The following FBF1 variants were observed in gnomAD, a reference collection of about 807,000 sequenced individuals.
FBF1 encodes fas-binding factor 1.
A neutral mutation model predicts 147.2 loss-of-function variants in FBF1; 119 were observed. That is an observed-to-expected ratio of 0.81 (90% CI 0.70 to 0.94). The LOEUF is 0.94. FBF1 is among the 40% of genes least tolerant of loss of function. The pLI is 0.00. For missense variants in FBF1, 1,449 were observed against 1,500.8 expected (o/e 0.97, Z 0.57); for synonymous variants, 601 against 609.0 (o/e 0.99, Z 0.19).
At chr17:75,921,412 AAGCACCTCTTCCTC>A in intron 16 of FBF1, 46 bp downstream of exon 16, 1 of 1,564,350 alleles carries the variant, frequency 6.4e-7, no homozygotes, top group East Asian at 2.3e-5. Flanking sequence ...AGGAAGCTCA[AAGCACCTCTTCCTC>A]ACCCAGGGTT....
rs748741863 is a variant in FBF1 at position 75,919,618 on chromosome 17, C to G, written c.2138+50G>C. The G allele has an allele frequency of 1.3e-5, 20 of 1,542,572 alleles. No individual in the cohort carries two copies. Among genetic ancestry groups the G allele is most frequent in the Non-Finnish European group, 1.7e-5 (19 of 1,144,900 alleles). On this transcript the variant is annotated intron_variant, in intron 20 of 29. Transcript: ENST00000636174. This position sits in a 1 kb window ranked among gnomAD's most constrained non-coding sequence, Gnocchi z 5.0. ...GGGTCTCGTGGGGATGGCTCTCTTCCGGCTACTCCTTGCAAGCCTGCTCCC... is the reference window on the plus strand; with the variant it reads ...GGGTCTCGTGGGGATGGCTCTCTTCGGGCTACTCCTTGCAAGCCTGCTCCC...
At position 75,913,747 on chromosome 17, in the gene FBF1, C is replaced by G; in HGVS notation, c.3202G>C (p.Gly1068Arg). The change falls in exon 28 of 30, where the codon GGT becomes CGT. Residue 1068 changes from glycine (G) to arginine (R), a missense_variant. Gly to Arg is a moderately radical substitution (Grantham distance 125, BLOSUM62 -2). Coordinates refer to ENST00000636174, the MANE Select transcript of FBF1 (RefSeq NM_001319193.2). ...GGGCCCTGGGCCCTGGGGAACAGAC[C>G]CACGAGGCTAGAGGGCAGGTCCTGT... ...ARQDLPSSLV[G>R]LFPRAQGPAA... 6.2e-7 allele frequency: 1 copy of G among 1,602,738 alleles called. No individual in the cohort carries two copies. Among genetic ancestry groups the G allele is most frequent in the East Asian group, 2.2e-5 (1 of 44,836 alleles).
At position 75,926,822 on chromosome 17, in the gene FBF1, C is replaced by T; in HGVS notation, c.531G>A (p.Lys177=). The part of the protein sequence containing the change: ...LLSYDEGGIT[K]QPPVTQSKTA... ...TTTTACTCTGTGTCACAGGCGGCTGCTTGGTGATTCCTCCTTCATCATAGG... is the reference window on the plus strand; with the variant it reads ...TTTTACTCTGTGTCACAGGCGGCTGTTTGGTGATTCCTCCTTCATCATAGG... Residue 177 remains lysine, a synonymous_variant, in exon 10 of 30, where the codon AAG becomes AAA. Transcript: ENST00000636174. 1.2e-6 allele frequency: 2 copies of T among 1,613,854 alleles called. No individual in the cohort carries two copies. Among genetic ancestry groups the T allele is most frequent in the Non-Finnish European group, 8.5e-7 (1 of 1,179,858 alleles).
Position 75,912,305 on chromosome 17 carries a change from G to C in FBF1, c.3250C>G (p.Leu1084Val). 1 of 1,584,516 alleles carries C rather than the reference G, an allele frequency of 6.3e-7. No homozygotes were observed. The highest frequency in any genetic ancestry group is 8.6e-7 in the Non-Finnish European group (1 of 1,165,822). ...CGGGTGGTGGGAGCAGGAGGCATGA[G>C]GGCTGAAAAGGCCAAGGAGGAAGTC... is the stretch of plus-strand genomic sequence containing the variant. ...QGPAASSQSALMPPAPTTRWC... is the reference protein window; with the variant it reads ...QGPAASSQSAVMPPAPTTRWC... The change falls in exon 29 of 30, where the codon CTC (leucine) becomes GTC (valine). Residue 1084 changes from leucine (L) to valine (V), a missense_variant and splice_region_variant. Physicochemically the swap from Leu to Val is conservative, Grantham distance 32. Transcript: ENST00000636174.
intron 3 of FBF1, among the ~76,000 whole-genome samples, chr17:75,936,130 C>T (rs533899088): frequency 4.6e-5 from 7 of 152,266 alleles, no homozygotes; most frequent in African/African-American, 1.7e-4. Context: ...CTGGCTAACA[C>T]AGTGAAACCC....
At chr17:75,917,674 C>T (rs2065496600) in intron 23 of FBF1, 58 bp downstream of exon 23, 1 of 1,466,360 alleles carries the variant, frequency 6.8e-7, no homozygotes, top group South Asian at 1.3e-5. Context: ...CTTGCGGGTG[C>T]CCTGGAGAAG....
At chr17:75,913,615 T>C in intron 28 of FBF1, 87 bp downstream of exon 28, 3 of 1,058,996 alleles carry the variant, frequency 2.8e-6, no homozygotes, top group East Asian at 5.4e-5. Context: ...CCGCCTTAAC[T>C]GGAGCGGCTG....
chr17:75,910,974 A>G lies in FBF1; in HGVS notation c.3364-168T>C, dbSNP rs1294041027. Among the ~76,000 whole-genome samples the G allele has an allele frequency of 1.3e-5, 2 of 152,168 alleles. No homozygotes were observed. The highest frequency in any genetic ancestry group is 2.9e-5 in the Non-Finnish European group (2 of 68,020). On this transcript the variant is annotated intron_variant, in intron 29 of 29. Transcript: ENST00000636174. The surrounding 1 kb of genome is among the most constrained non-coding windows in gnomAD (Gnocchi z 4.1). ...CATGAAAGAGCCCAGGTATGGAGTG[A>G]GACAGACCACAGTCTCAATCCTGGC...
intron 13 of FBF1, among the ~76,000 whole-genome samples, chr17:75,924,205 C>T (rs1286866845): frequency 6.9e-6 from 1 of 144,454 alleles, no homozygotes; most frequent in Admixed American, 6.8e-5. Flanking sequence ...CAGAGTGAGA[C>T]TCTGTCTAAA....
chr17:75,926,991 C>A, intron 9 of FBF1, 114 bp from the exon 10 acceptor site: 2 of 1,415,536 alleles, frequency 1.4e-6, no homozygotes, highest in Non-Finnish European at 1.9e-6. Flanking sequence ...AGTACATAAA[C>A]AAGCCCCCTG....
Position 75,915,190 on chromosome 17 carries a change from C to T in FBF1, c.2506-51G>A, listed in dbSNP as rs1465996321. ...AGCGTGGTTCCCGCCCTGAGGATCA[C>T]GCCTGGCCACTCCCTGAGAAGCTGC... On this transcript the variant is annotated intron_variant, in intron 23 of 29. Transcript: ENST00000636174. 29 of 1,562,066 alleles carry T rather than the reference C, an allele frequency of 1.9e-5. No individual in the cohort carries two copies. The East Asian group carries it at 5.5e-4, about 30-fold the overall frequency.
chr17:75,918,333 T>C lies in FBF1; in HGVS notation c.2139-64A>G. ...TGGATCACCCTGATGCGGTAACTCC[T>C]TGTGGAAGGGTGTGTTTCCGTGCAG... On this transcript the variant is annotated intron_variant, in intron 20 of 29. Coordinates refer to ENST00000636174, the MANE Select transcript of FBF1 (RefSeq NM_001319193.2). The surrounding 1 kb of genome is among the most constrained non-coding windows in gnomAD (Gnocchi z 5.8). 7.2e-7 allele frequency: 1 copy of C among 1,383,156 alleles called. No individual in the cohort carries two copies. The highest frequency in any genetic ancestry group is 1.0e-6 in the Non-Finnish European group (1 of 994,726). 85.7% of individuals were successfully genotyped at this position (1,383,156 alleles called of 1,614,324 possible).
intron 5 of FBF1, among the ~76,000 whole-genome samples, chr17:75,931,579 T>C (rs1207176265): frequency 6.6e-6 from 1 of 151,754 alleles, no homozygotes; most frequent in Non-Finnish European, 1.5e-5. Flanking sequence ...AGGTCAGGAG[T>C]TTGGGACCAA....
Position 75,910,875 on chromosome 17 carries a change from G to T in FBF1, c.3364-69C>A. 1 of 1,375,772 alleles carries T rather than the reference G, an allele frequency of 7.3e-7. No individual in the cohort carries two copies. The highest frequency in any genetic ancestry group is 1.0e-6 in the Non-Finnish European group (1 of 989,420). 85.2% of individuals were successfully genotyped at this position (1,375,772 alleles called of 1,614,324 possible). A position where few individuals can be genotyped will look rare whatever the true frequency, so the allele number is the denominator to read the frequency against. ...GAGGGAGGTGGAGCCCTGGATGCTAGCTGAGCCAGCCGTCACTGAGGCCCC... is the reference window on the plus strand; with the variant it reads ...GAGGGAGGTGGAGCCCTGGATGCTATCTGAGCCAGCCGTCACTGAGGCCCC... On this transcript the variant is annotated intron_variant, in intron 29 of 29. Transcript: ENST00000636174. The surrounding 1 kb of genome is among the most constrained non-coding windows in gnomAD (Gnocchi z 4.1).
chr17:75,923,301 A>T lies in FBF1; in HGVS notation c.1309T>A (p.Trp437Arg), dbSNP rs962690890. 1.9e-6 allele frequency: 3 copies of T among 1,594,180 alleles called. No individual in the cohort carries two copies. Among genetic ancestry groups the T allele is most frequent in the Non-Finnish European group, 2.6e-6 (3 of 1,170,836 alleles). Residue 437 changes from tryptophan to arginine, a missense_variant, in exon 14 of 30, where the codon TGG (tryptophan) becomes AGG (arginine). Transcript: ENST00000636174. This position sits in a 1 kb window ranked among gnomAD's most constrained non-coding sequence, Gnocchi z 4.1. ...TTCCGAGACAGGGCATGGCTCAGCC[A>T]GTCCTCTTTCTCCTCCTTGGAGGCT... ...LRASKEEKED[W>R]LSHALSRKKS...
In FBF1 at chr17:75,919,901, G is replaced by C; in HGVS notation, c.1932-27C>G. The C allele has an allele frequency of 6.2e-7, 1 of 1,613,354 alleles. No individual in the cohort carries two copies. The highest frequency in any genetic ancestry group is 1.1e-5 in the South Asian group (1 of 91,072). On this transcript the variant is annotated intron_variant, in intron 19 of 29. Coordinates refer to ENST00000636174, the MANE Select transcript of FBF1 (RefSeq NM_001319193.2). The surrounding 1 kb of genome is among the most constrained non-coding windows in gnomAD (Gnocchi z 5.0). ...TGCCAACAGAACACCCAGCCATGGC[G>C]CAAGGAAGGCAGAGGGCTGCCGCCT... is the stretch of plus-strand genomic sequence containing the variant.
chr17:75,932,903 G>T, intron 5 of FBF1, 92 bp downstream of exon 5: 8 of 723,198 alleles, frequency 1.1e-5, no homozygotes, highest in Non-Finnish European at 1.5e-5. Flanking sequence ...AAAAAATGGC[G>T]AGCAAATGTG....
At chr17:75,927,959 CAG>C (rs904490733) in intron 8 of FBF1, 115 bp downstream of exon 8, 31 of 780,510 alleles carry the variant, frequency 4.0e-5, no homozygotes, top group Non-Finnish European at 6.1e-5. Flanking sequence ...CCATCCTGTG[CAG>C]AGAAAACCCA....
chr17:75,933,856 T>C (rs781304591), intron 4 of FBF1, among the ~76,000 whole-genome samples: 13 of 152,106 alleles, frequency 8.5e-5, no homozygotes, highest in Non-Finnish European at 1.9e-4. Flanking sequence ...AAAACTACAA[T>C]GAGATACCCA....
Sources: allele counts gnomAD v4.1 joint callset (sites outside exome capture counted in the v4.1 genomes callset), GRCh38; gene constraint gnomAD v4.1.1; non-coding constraint Gnocchi (gnomAD v3.1); transcripts MANE v1.5; gene names NCBI Gene and HGNC (gene_info 2026-07-23, HGNC 2026-07-21).